GINS2: variants seen among roughly 807,000 people sequenced by gnomAD.
GINS2 encodes DNA replication complex GINS protein PSF2.
Under a neutral mutation model 21.2 loss-of-function variants are expected in GINS2, and 23 were observed. The observed-to-expected ratio is 1.08, with a 90% confidence interval of 0.78 to 1.53. The LOEUF (loss-of-function observed/expected upper bound fraction) is 1.53. Among genes scored for constraint, GINS2 ranks in the 40% most tolerant of loss-of-function variants. The pLI is 0.00. For missense variants in GINS2, 323 were observed against 233.9 expected, an observed-to-expected ratio of 1.38 and a Z score of -2.49; for synonymous variants, 118 against 85.6, an observed-to-expected ratio of 1.38 and a Z score of -2.09.
chr16:85,682,827 G>C (rs962411913), intron 2 of GINS2, among the ~76,000 whole-genome samples: 2 of 152,162 alleles, frequency 1.3e-5, no homozygotes, highest in Admixed American at 1.3e-4. Context: ...GCACAGCTAC[G>C]CTGCAGGGTC....
At chr16:85,685,678 A>AAAAAAAAAAAAAAAAAAAC (rs1567792794) in intron 2 of GINS2, among the ~76,000 whole-genome samples, 3 of 143,986 alleles carry the variant, frequency 2.1e-5, no homozygotes, top group African/African-American at 5.5e-5. Flanking sequence ...CTCAAAAAAA[A>AAAAAAAAAAAAAAAAAAAC]AAAAAAAAAA....
chr16:85,678,560 G>T lies in GINS2; in HGVS notation c.412C>A (p.Gln138Lys). The T allele has an allele frequency of 6.2e-7, 1 of 1,613,790 alleles. No individual in the cohort carries two copies. Among genetic ancestry groups the T allele is most frequent in the Non-Finnish European group, 8.5e-7 (1 of 1,179,954 alleles). ...LRVSADSFVRQQEAHAKLDNL... is the reference protein window; with the variant it reads ...LRVSADSFVRKQEAHAKLDNL... Reference sequence around the variant, plus strand: ...CCTACCTTGGCATGTGCCTCCTGCTGTCTCACAAAGCTGTCAGCAGACACT... The same window carrying T: ...CCTACCTTGGCATGTGCCTCCTGCTTTCTCACAAAGCTGTCAGCAGACACT... The change falls in exon 4 of 5, where the codon CAG (glutamine) becomes AAG (lysine). Residue 138 changes from glutamine to lysine, a missense_variant. Coordinates refer to ENST00000253462, the MANE Select transcript of GINS2 (RefSeq NM_016095.3).
At position 85,688,907 on chromosome 16, in the gene GINS2, G is replaced by A. The variant is rs533844944; in HGVS notation, c.-9C>T. ...ACCTCGGCAGCGTCCATGGCGGCGC[G>A]AGCTGCAGGCCAGAGCCTCACGGTC... On this transcript the variant is annotated 5_prime_UTR_variant, in exon 1 of 5. Transcript: ENST00000253462. The A allele has an allele frequency of 1.2e-5, 19 of 1,533,088 alleles. No homozygotes were observed. The East Asian group carries it at 3.5e-4, about 29-fold the overall frequency. 95.0% of individuals were successfully genotyped at this position (1,533,088 alleles called of 1,614,324 possible).
chr16:85,686,274 C>T (rs1033522269), intron 2 of GINS2, among the ~76,000 whole-genome samples: 6 of 152,116 alleles, frequency 3.9e-5, no homozygotes, highest in East Asian at 1.9e-4. Flanking sequence ...CAAAATTAGC[C>T]GAGCGTGGTA....
chr16:85,681,477 T>G (rs2053731733), intron 3 of GINS2, 105 bp downstream of exon 3: 1 of 699,452 alleles, frequency 1.4e-6, no homozygotes, highest in Non-Finnish European at 2.5e-6. Context: ...TGTTGCCACT[T>G]ACTGAGGCAA....
Position 85,678,197 on chromosome 16 carries a change from G to A in GINS2, c.*15C>T. 6.2e-7 allele frequency: 1 copy of A among 1,611,920 alleles called. No individual in the cohort carries two copies. The highest frequency in any genetic ancestry group is 8.5e-7 in the Non-Finnish European group (1 of 1,179,414). ...GCTCACATCCCCCAGCAAGCCGCCT[G>A]CACCAGGCCTTTCTCTAGAAGTCCT... On this transcript the variant is annotated 3_prime_UTR_variant, in exon 5 of 5. Transcript: ENST00000253462.
intron 2 of GINS2, among the ~76,000 whole-genome samples, chr16:85,685,685 A>AAAAAAAAAAAAAAACAAAAAAAAAAC (rs56405044): frequency 8.3e-6 from 1 of 120,900 alleles, no homozygotes; most frequent in Non-Finnish European, 1.9e-5. Context: ...AAAAAAAAAA[A>AAAAAAAAAAAAAAACAAAAAAAAAAC]AAAAAACCGT....
At chr16:85,682,314 T>G (rs1433432852) in intron 2 of GINS2, among the ~76,000 whole-genome samples, 1 of 152,192 alleles carries the variant, frequency 6.6e-6, no homozygotes, top group Non-Finnish European at 1.5e-5. Context: ...CTGGTCAGTA[T>G]TAGACCTTTG....
In GINS2 at chr16:85,678,199, A is replaced by C. The variant is rs1391182952; in HGVS notation, c.*13T>G. On this transcript the variant is annotated 3_prime_UTR_variant, in exon 5 of 5. Coordinates refer to ENST00000253462, the MANE Select transcript of GINS2 (RefSeq NM_016095.3). ...TCACATCCCCCAGCAAGCCGCCTGC[A>C]CCAGGCCTTTCTCTAGAAGTCCTGA... 1 of 1,612,206 alleles carries C rather than the reference A, an allele frequency of 6.2e-7. No homozygotes were observed. The highest frequency in any genetic ancestry group is 2.2e-5 in the East Asian group (1 of 44,866).
chr16:85,684,857 A>G (rs1385036656), intron 2 of GINS2, among the ~76,000 whole-genome samples: 5 of 151,628 alleles, frequency 3.3e-5, no homozygotes, highest in Admixed American at 2.6e-4. Flanking sequence ...GCGCGATCTC[A>G]GCTCACTGCA....
intron 2 of GINS2, among the ~76,000 whole-genome samples, chr16:85,683,179 A>G (rs572892547): frequency 6.6e-6 from 1 of 152,204 alleles, no homozygotes; most frequent in East Asian, 1.9e-4. Context: ...AGCCTTAAAA[A>G]GAAGGCCCTC....
In GINS2 at chr16:85,676,974, C is replaced by G. The variant is rs1465317447; in HGVS notation, c.*1238G>C. On this transcript the variant is annotated 3_prime_UTR_variant, in exon 5 of 5. Transcript: ENST00000253462. Reference sequence around the variant, plus strand: ...CCGCCTCTCGGGTTCAAGCGATTCTCCTGCCTCAGCCTCCCGAGTAGCTGC... The same window carrying G: ...CCGCCTCTCGGGTTCAAGCGATTCTGCTGCCTCAGCCTCCCGAGTAGCTGC... The G allele has an allele frequency of 6.6e-6, 1 of 152,288 alleles. No homozygotes were observed. The highest frequency in any genetic ancestry group is 1.5e-5 in the Non-Finnish European group (1 of 68,114). 9.4% of individuals were successfully genotyped at this position (152,288 alleles called of 1,614,324 possible). A position where few individuals can be genotyped will look rare whatever the true frequency, so the allele number is the denominator to read the frequency against.
chr16:85,687,679 G>A (rs760482221), intron 1 of GINS2, 105 bp from the exon 2 acceptor site: 4 of 624,944 alleles, frequency 6.4e-6, no homozygotes, highest in Non-Finnish European at 8.0e-6. Flanking sequence ...AGAGGCTGAA[G>A]TCCAAATGCA....
At chr16:85,685,394 G>C (rs1337416229) in intron 2 of GINS2, among the ~76,000 whole-genome samples, 2 of 151,920 alleles carry the variant, frequency 1.3e-5, no homozygotes, top group South Asian at 2.1e-4. Flanking sequence ...AAAGCCTTCC[G>C]GCCAGGGGCA....
At chr16:85,681,507 G>T in intron 3 of GINS2, 75 bp downstream of exon 3, 1 of 858,304 alleles carries the variant, frequency 1.2e-6, no homozygotes, top group African/African-American at 1.7e-5. Flanking sequence ...AAGCGGAGAG[G>T]AAGGACGAGG....
Position 85,687,565 on chromosome 16 carries a change from C to G in GINS2, c.100G>C (p.Gly34Arg), listed in dbSNP as rs952319633. Residue 34 changes from glycine to arginine, a missense_variant, in exon 2 of 5, where the codon GGG becomes CGG. Physicochemically the swap from Gly to Arg is moderately radical, Grantham distance 125. Transcript: ENST00000253462. ...ACGGGTAAACCAGGGTTAAAAGGCC[C>G]CAGGTCCCCCTGCCAAAAGTAAAAC... ...DKIYLIGGDL[G>R]PFNPGLPVEV... 5 of 1,553,016 alleles carry G rather than the reference C, an allele frequency of 3.2e-6. No individual in the cohort carries two copies. Among genetic ancestry groups the G allele is most frequent in the Non-Finnish European group, 3.5e-6 (4 of 1,154,108 alleles).
chr16:85,682,177 A>G (rs1255708150), intron 2 of GINS2, among the ~76,000 whole-genome samples: 6 of 151,768 alleles, frequency 4.0e-5, no homozygotes, highest in East Asian at 1.9e-4. Flanking sequence ...TCACAGGCAC[A>G]TGCCACCATT....
In GINS2 at chr16:85,687,512, G is replaced by A. The variant is rs893945850; in HGVS notation, c.153C>T (p.Asn51=). ...GGCGACATTTCTGTCTTTGTTTCAGGTTAATCGCCAGCCACAGGGGCACTT... is the reference window on the plus strand; with the variant it reads ...GGCGACATTTCTGTCTTTGTTTCAGATTAATCGCCAGCCACAGGGGCACTT... ...PVEVPLWLAI[N]LKQRQKCRLL... is the part of the protein sequence containing the mutation. Residue 51 remains asparagine (N), a synonymous_variant, in exon 2 of 5, where the codon AAC becomes AAT. Coordinates refer to ENST00000253462, the MANE Select transcript of GINS2 (RefSeq NM_016095.3). 2 of 1,597,266 alleles carry A rather than the reference G, an allele frequency of 1.3e-6. No homozygotes were observed. Among genetic ancestry groups the A allele is most frequent in the African/African-American group, 1.3e-5 (1 of 74,096 alleles).
intron 3 of GINS2, 45 bp from the exon 4 acceptor site, chr16:85,678,711 C>G: frequency 6.3e-7 from 1 of 1,593,238 alleles, no homozygotes; most frequent in Non-Finnish European, 8.6e-7. Flanking sequence ...ACTTGATAAC[C>G]TGAGGCAATG....
Sources: allele counts gnomAD v4.1 joint callset (sites outside exome capture counted in the v4.1 genomes callset), GRCh38; gene constraint gnomAD v4.1.1; transcripts MANE v1.5; gene names NCBI Gene and HGNC (gene_info 2026-07-23, HGNC 2026-07-21).